Variants in RUNX2 observed in about 807,000 individuals in gnomAD.
RUNX2 encodes RUNX family transcription factor 2, also known as runt-related transcription factor 2.
Under a neutral mutation model 51.7 loss-of-function variants are expected in RUNX2, and 10 were observed. That is an observed-to-expected ratio of 0.19 (90% CI 0.12 to 0.33). The LOEUF (loss-of-function observed/expected upper bound fraction) is 0.33, where lower values mean the gene tolerates loss of function less well. Among genes scored for constraint, RUNX2 ranks in the 10% least tolerant of loss-of-function variants. RUNX2 has a pLI of 1.00. For missense variants in RUNX2, 562 were observed against 691.3 expected, an observed-to-expected ratio of 0.81 and a Z score of 2.10; for synonymous variants, 276 against 273.6, an observed-to-expected ratio of 1.01 and a Z score of -0.09.
At chr6:45,528,163 G>C (rs1801729319) in intron 7 of RUNX2, among the ~76,000 whole-genome samples, 1 of 152,110 alleles carries the variant, frequency 6.6e-6, no homozygotes, top group African/African-American at 2.4e-5. Context: ...CCATGATTCA[G>C]TTACCTCCCA....
intron 7 of RUNX2, among the ~76,000 whole-genome samples, chr6:45,543,077 A>T (rs60291404): frequency 0.017 from 2,621 of 152,276 alleles, 70 homozygotes; most frequent in African/African-American, 0.06. Context: ...GTCATTTTTT[A>T]TTTATCTAAA....
chr6:45,534,419 AT>A (rs1212548208), intron 7 of RUNX2, among the ~76,000 whole-genome samples: 2 of 152,198 alleles, frequency 1.3e-5, no homozygotes, highest in African/African-American at 2.4e-5. Context: ...AACCAAATGT[AT>A]GTAAAAGCAG....
chr6:45,506,609 T>C (rs1441119180), intron 6 of RUNX2, among the ~76,000 whole-genome samples: 1 of 152,170 alleles, frequency 6.6e-6, no homozygotes, highest in Non-Finnish European at 1.5e-5. Flanking sequence ...AAAGAATGAA[T>C]TATAGTTTTT....
chr6:45,526,426 G>A (rs1011709500), intron 7 of RUNX2, among the ~76,000 whole-genome samples: 1 of 152,184 alleles, frequency 6.6e-6, no homozygotes, highest in African/African-American at 2.4e-5. Context: ...AACCTTATAA[G>A]CTAAGAGTTA....
chr6:45,461,218 G>A (rs1335366537), intron 5 of RUNX2, among the ~76,000 whole-genome samples: 2 of 152,196 alleles, frequency 1.3e-5, no homozygotes, highest in African/African-American at 4.8e-5. Flanking sequence ...AGTTAATGGA[G>A]CAGGCAGTAG....
intron 2 of RUNX2, among the ~76,000 whole-genome samples, chr6:45,337,458 T>C (rs1788813554): frequency 1.3e-5 from 2 of 151,814 alleles, no homozygotes; most frequent in African/African-American, 4.8e-5. Flanking sequence ...AAAATACTCA[T>C]TTCTAGAAGG....
At chr6:45,450,868 C>T (rs1016169723) in intron 5 of RUNX2, among the ~76,000 whole-genome samples, 2 of 152,168 alleles carry the variant, frequency 1.3e-5, no homozygotes, top group African/African-American at 4.8e-5. Context: ...GACTCACACA[C>T]CCAAAAGTGG....
At chr6:45,384,442 G>A (rs569457980) in intron 2 of RUNX2, among the ~76,000 whole-genome samples, 15 of 151,796 alleles carry the variant, frequency 9.9e-5, no homozygotes, top group African/African-American at 3.4e-4. Context: ...GCACCACCAC[G>A]CCCAGCTAAT....
intron 2 of RUNX2, among the ~76,000 whole-genome samples, chr6:45,342,776 C>CA (rs1790073476): frequency 1.3e-5 from 2 of 151,798 alleles, no homozygotes; most frequent in Non-Finnish European, 2.9e-5. Context: ...TGAACCCATA[C>CA]AAAAAAATAC....
At chr6:45,410,919 T>G (rs1259169176) in intron 2 of RUNX2, among the ~76,000 whole-genome samples, 1 of 152,186 alleles carries the variant, frequency 6.6e-6, no homozygotes, top group Non-Finnish European at 1.5e-5. Flanking sequence ...GGTTAAGGGT[T>G]TATAGTGAGT....
intron 5 of RUNX2, among the ~76,000 whole-genome samples, chr6:45,474,652 CTTAA>C (rs1189950659): frequency 6.6e-6 from 1 of 151,932 alleles, no homozygotes; most frequent in Non-Finnish European, 1.5e-5. Flanking sequence ...TCGGGGAGTA[CTTAA>C]TAGATGTTGA....
intron 5 of RUNX2, among the ~76,000 whole-genome samples, chr6:45,452,021 C>A (rs2150380576): frequency 6.6e-6 from 1 of 152,214 alleles, no homozygotes; most frequent in African/African-American, 2.4e-5. Flanking sequence ...GCCATATGAT[C>A]AAAAAATTGT....
At chr6:45,430,115 A>C (rs1277958707) in intron 3 of RUNX2, among the ~76,000 whole-genome samples, 1 of 152,134 alleles carries the variant, frequency 6.6e-6, no homozygotes, top group African/African-American at 2.4e-5. Context: ...AAAATTAATA[A>C]AACACTTACC....
intron 5 of RUNX2, among the ~76,000 whole-genome samples, chr6:45,439,687 GTGTGTGTGTATGTT>G (rs1798787901): frequency 3.3e-5 from 5 of 151,782 alleles, no homozygotes; most frequent in Admixed American, 2.0e-4. Flanking sequence ...GTGTGTGTAT[GTGTGTGTGTATGTT>G]TGTGTGTGTA....
At chr6:45,461,700 A>G (rs904493505) in intron 5 of RUNX2, among the ~76,000 whole-genome samples, 1 of 152,122 alleles carries the variant, frequency 6.6e-6, no homozygotes, top group Admixed American at 6.5e-5. Context: ...AACATGCTTA[A>G]GGGCAGGAAA....
rs7771980 is a variant in RUNX2, at chr6:45,421,552, T to C, written c.59-1041T>C. The C allele has an allele frequency of 0.082, 12,426 of 152,242 alleles. 720 individuals are homozygous for C. The highest frequency in any genetic ancestry group is 0.18 in the South Asian group (873 of 4,812). The allele number at this position is 152,242 out of a possible 1,614,324, so 9.4% of individuals were successfully genotyped here. On this transcript the variant is annotated intron_variant, in intron 2 of 8. Transcript: ENST00000647337. ...TCAGCACAGAGGCTCAAGAATTTTC[T>C]TTCCTCCTCTCCTGAAGTTACAACG... is the stretch of plus-strand genomic sequence containing the variant.
intron 2 of RUNX2, among the ~76,000 whole-genome samples, chr6:45,376,906 T>C (rs1796864893): frequency 1.3e-5 from 2 of 152,206 alleles, no homozygotes; most frequent in Admixed American, 6.5e-5. Flanking sequence ...TATATACATA[T>C]ATATACACAC....
At chr6:45,386,399 C>A (rs747332589) in intron 2 of RUNX2, among the ~76,000 whole-genome samples, 3 of 152,116 alleles carry the variant, frequency 2.0e-5, no homozygotes, top group Non-Finnish European at 4.4e-5. Flanking sequence ...AATTGGAGAT[C>A]ATTTCCTTCA....
intron 2 of RUNX2, among the ~76,000 whole-genome samples, chr6:45,340,411 C>A (rs113928736): frequency 3.3e-5 from 5 of 152,188 alleles, no homozygotes; most frequent in African/African-American, 4.8e-5. Flanking sequence ...GCAACTTTGA[C>A]CTCCTGAGCT....
Sources: gnomAD v4.1 joint callset for allele counts (sites outside exome capture counted in the v4.1 genomes callset) on GRCh38, gnomAD v4.1.1 for gene constraint, MANE v1.5 for transcripts, NCBI Gene and HGNC (gene_info 2026-07-23, HGNC 2026-07-21) for gene names.